The following BNC2 variants were observed in gnomAD, a reference collection of about 807,000 sequenced individuals.
BNC2 encodes the protein zinc finger protein basonuclin-2.
A neutral mutation model predicts 76.3 loss-of-function variants in BNC2; 20 were observed. The ratio of observed to expected loss-of-function variants is 0.26; its 90% CI spans 0.18 to 0.38. The LOEUF is 0.38. BNC2 is among the 10% of genes least tolerant of loss of function. The pLI, the probability that BNC2 is intolerant of heterozygous loss-of-function variation, is 1.00. For missense variants in BNC2, 1,382 were observed against 1,399.8 expected, an observed-to-expected ratio of 0.99 and a Z score of 0.20; for synonymous variants, 582 against 514.8, an observed-to-expected ratio of 1.13 and a Z score of -1.77.
At chr9:16,836,471 G>C (rs1252172403) in intron 1 of BNC2, among the ~76,000 whole-genome samples, 1 of 150,164 alleles carries the variant, frequency 6.7e-6, no homozygotes, top group Non-Finnish European at 1.5e-5. Context: ...GAAACCTCTA[G>C]TTTGTCTTGA....
intron 3 of BNC2, among the ~76,000 whole-genome samples, chr9:16,710,998 T>G (rs960809152): frequency 2.0e-5 from 3 of 152,172 alleles, no homozygotes; most frequent in East Asian, 1.9e-4. Context: ...GCGTGTCATG[T>G]GTAGAGTGCA....
chr9:16,788,380 C>T (rs951531816), intron 1 of BNC2, among the ~76,000 whole-genome samples: 8 of 151,722 alleles, frequency 5.3e-5, no homozygotes, highest in South Asian at 4.2e-4. Flanking sequence ...GGTGAAACCC[C>T]GTCTCTACCA....
At chr9:16,550,619 T>C (rs1424083157) in intron 5 of BNC2, among the ~76,000 whole-genome samples, 1 of 152,226 alleles carries the variant, frequency 6.6e-6, no homozygotes, top group Non-Finnish European at 1.5e-5. Context: ...GCCCTGCACA[T>C]ACCTATTTGT....
At chr9:16,676,096 G>A (rs779268259) in intron 3 of BNC2, among the ~76,000 whole-genome samples, 37 of 151,912 alleles carry the variant, frequency 2.4e-4, no homozygotes, top group Non-Finnish European at 4.6e-4. Flanking sequence ...TTTTAATTTC[G>A]AAAACATGAA....
intron 4 of BNC2, among the ~76,000 whole-genome samples, chr9:16,574,855 G>A (rs536076415): frequency 7.2e-5 from 11 of 152,004 alleles, no homozygotes; most frequent in Non-Finnish European, 1.3e-4. Flanking sequence ...ATTATTATCC[G>A]AATTTCTCGA....
chr9:16,745,889 A>G (rs1490960064), intron 1 of BNC2, among the ~76,000 whole-genome samples: 1 of 152,186 alleles, frequency 6.6e-6, no homozygotes, highest in Non-Finnish European at 1.5e-5. Flanking sequence ...TGGTTCTCAA[A>G]TATATTTGCT....
rs370334014 is a variant in BNC2, at chr9:16,461,678, C to T, written c.670-24154G>A. Among the ~76,000 whole-genome samples the T allele has an allele frequency of 9.2e-5, 14 of 152,240 alleles. No homozygotes were observed. The South Asian group carries it at 1.0e-3, about 11-fold the overall frequency. On this transcript the variant is annotated intron_variant, in intron 5 of 6. Transcript: ENST00000380672. ...TATCAAGGCACAGAGCCCTGCAACA[C>T]GCTGCATCACCAGGGACTGCTCGCT...
intron 1 of BNC2, among the ~76,000 whole-genome samples, chr9:16,747,185 C>T (rs1347040735): frequency 6.6e-6 from 1 of 152,088 alleles, no homozygotes; most frequent in Admixed American, 6.5e-5. Flanking sequence ...TCACAGGGTA[C>T]ATAAATAATT....
intron 3 of BNC2, among the ~76,000 whole-genome samples, chr9:16,700,785 C>A (rs1252362088): frequency 6.6e-6 from 1 of 152,092 alleles, no homozygotes; most frequent in African/African-American, 2.4e-5. Context: ...CATGGTGAAA[C>A]CCCATCCCTG....
intron 3 of BNC2, among the ~76,000 whole-genome samples, chr9:16,696,390 G>C (rs1209033194): frequency 6.6e-6 from 1 of 152,098 alleles, no homozygotes; most frequent in Non-Finnish European, 1.5e-5. Context: ...ACCTGAAATA[G>C]TTCTCATGCT....
At chr9:16,569,843 T>G (rs1309068067) in intron 4 of BNC2, among the ~76,000 whole-genome samples, 1 of 152,204 alleles carries the variant, frequency 6.6e-6, no homozygotes, top group African/African-American at 2.4e-5. Context: ...TTATTATTAT[T>G]GCCACTGCTG....
intron 1 of BNC2, among the ~76,000 whole-genome samples, chr9:16,812,030 C>T (rs1011719506): frequency 2.0e-5 from 3 of 152,216 alleles, no homozygotes; most frequent in Non-Finnish European, 4.4e-5. Flanking sequence ...GTTTTCCAGC[C>T]TTAACTGCTT....
At chr9:16,614,270 A>G (rs942330452) in intron 3 of BNC2, among the ~76,000 whole-genome samples, 5 of 150,080 alleles carry the variant, frequency 3.3e-5, no homozygotes, top group Admixed American at 6.7e-5. Flanking sequence ...AAATCTTTCT[A>G]TAATATTACT....
intron 3 of BNC2, among the ~76,000 whole-genome samples, chr9:16,683,190 G>C (rs553536946): frequency 9.2e-5 from 14 of 152,264 alleles, no homozygotes; most frequent in African/African-American, 3.4e-4. Context: ...GACCACAGTA[G>C]GGGATCTTGG....
intron 3 of BNC2, among the ~76,000 whole-genome samples, chr9:16,634,887 T>C (rs1587258779): frequency 2.6e-5 from 1 of 37,850 alleles, no homozygotes; most frequent in Non-Finnish European, 4.5e-5. Flanking sequence ...ATAAAGGTGT[T>C]TTTTTTTTTC....
intron 3 of BNC2, among the ~76,000 whole-genome samples, chr9:16,684,387 C>G (rs1182656406): frequency 2.6e-5 from 4 of 152,158 alleles, no homozygotes; most frequent in Non-Finnish European, 5.9e-5. Context: ...CACAGACATA[C>G]ACCACCCAGA....
chr9:16,468,040 C>CTTTT (rs748053541), intron 5 of BNC2, among the ~76,000 whole-genome samples: 1 of 129,550 alleles, frequency 7.7e-6, no homozygotes, highest in Non-Finnish European at 1.6e-5. Context: ...CTTTCTTTCT[C>CTTTT]TTTTTTTTTT....
At chr9:16,440,917 T>C (rs1278368341) in intron 5 of BNC2, among the ~76,000 whole-genome samples, 1 of 152,198 alleles carries the variant, frequency 6.6e-6, no homozygotes, top group East Asian at 1.9e-4. Flanking sequence ...AATTTATATT[T>C]ACACAGATAA....
Position 16,857,480 on chromosome 9 carries a change from T to TAAAAAAAA in BNC2, c.3+13158_3+13165dup, listed in dbSNP as rs60082380. Among the ~76,000 whole-genome samples the TAAAAAAAA allele has an allele frequency of 7.9e-5, 6 of 75,678 alleles. 1 individual carries two copies. Among genetic ancestry groups the TAAAAAAAA allele is most frequent in the Non-Finnish European group, 5.1e-5 (2 of 39,366 alleles). 49.6% of individuals were successfully genotyped at this position (75,678 alleles called of 152,430 possible). ...CAACAGAGTGAGACTCTGTCTCAAA[T>TAAAAAAAA]AAAAAAAAAAAAAAAAAAAAAAAAA... On this transcript the variant is annotated intron_variant, in intron 1 of 6. Transcript: ENST00000380672.
Sources: gnomAD v4.1 joint callset for allele counts (sites outside exome capture counted in the v4.1 genomes callset) on GRCh38, gnomAD v4.1.1 for gene constraint, MANE v1.5 for transcripts, NCBI Gene and HGNC (gene_info 2026-07-23, HGNC 2026-07-21) for gene names.